SRARP: variants seen among roughly 807,000 people sequenced by gnomAD.
SRARP encodes steroid receptor-associated and regulated protein.
Under a neutral mutation model 3.6 loss-of-function variants are expected in SRARP, and 5 were observed. The observed-to-expected ratio is 1.39, with a 90% CI of 0.73 to 2.93. The LOEUF is 2.93. Ranked by LOEUF, SRARP falls within the 30% of genes most tolerant of loss-of-function variation. The pLI is 0.00. For synonymous variants in SRARP, 96 were observed against 91.6 expected (o/e 1.05, Z -0.27); for missense variants, 215 against 216.7 (o/e 0.99, Z 0.05).
At position 16,004,359 on chromosome 1, in the gene SRARP, G is replaced by A. The variant is rs370173233; in HGVS notation, c.56G>A (p.Arg19His). ...DWRANLKGTI[R>H]ETGLETSSGG... ...AGAGCCAACCTCAAAGGCACCATCC[G>A]TGAGACAGGCCTGGAGACCAGCTCC... The change falls in exon 1 of 2, where the codon CGT (arginine) becomes CAT (histidine). Residue 19 changes from arginine (R) to histidine (H), a missense_variant. Arg to His is a conservative substitution (Grantham distance 29). Transcript: ENST00000329454. 5.3e-5 allele frequency: 85 copies of A among 1,608,744 alleles called. No homozygotes were observed. The Middle Eastern group carries it at 6.6e-4, about 12-fold the overall frequency.
Position 16,006,458 on chromosome 1 carries a change from C to A in SRARP, c.*112C>A. On this transcript the variant is annotated 3_prime_UTR_variant, in exon 2 of 2. Transcript: ENST00000329454. ...TGAGCCAAGGAAACATCATTAGATC[C>A]GCTAAGGGGCATCTGAAACATCCGT... 2 of 1,190,780 alleles carry A rather than the reference C, an allele frequency of 1.7e-6. No individual in the cohort carries two copies. Among genetic ancestry groups the A allele is most frequent in the Non-Finnish European group, 2.3e-6 (2 of 863,776 alleles). The allele number at this position is 1,190,780 out of a possible 1,614,324, so 73.8% of individuals were successfully genotyped here.
chr1:16,006,075 C>A lies in SRARP; in HGVS notation c.239C>A (p.Thr80Asn). ...NRGLVTPPMK[T>N]YIVFCGENWP... ...GGGCTTGTCACCCCACCAATGAAGA[C>A]CTACATCGTGTTCTGTGGGGAAAAC... Residue 80 changes from threonine to asparagine, a missense_variant, in exon 2 of 2, where the codon ACC becomes AAC. Physicochemically the swap from Thr to Asn is moderately conservative, Grantham distance 65. Coordinates refer to ENST00000329454, the MANE Select transcript of SRARP (RefSeq NM_178840.4). The A allele has an allele frequency of 6.2e-7, 1 of 1,613,994 alleles. No homozygotes were observed. The highest frequency in any genetic ancestry group is 8.5e-7 in the Non-Finnish European group (1 of 1,179,972).
rs780382504 is a variant in SRARP, at chr1:16,006,378, T to C, written c.*32T>C. On this transcript the variant is annotated 3_prime_UTR_variant, in exon 2 of 2. Transcript: ENST00000329454. Reference sequence around the variant, plus strand: ...GGGCCGGGCTCTGATGCCCAGAGGCTGCAATTCCCAGGGCCTGGCCCTGCT... The same window carrying C: ...GGGCCGGGCTCTGATGCCCAGAGGCCGCAATTCCCAGGGCCTGGCCCTGCT... 1 of 1,535,662 alleles carries C rather than the reference T, an allele frequency of 6.5e-7. No individual in the cohort carries two copies. The highest frequency in any genetic ancestry group is 1.4e-5 in the African/African-American group (1 of 69,560).
chr1:16,005,411 G>A (rs935721506), intron 1 of SRARP, among the ~76,000 whole-genome samples: 23 of 152,302 alleles, frequency 1.5e-4, no homozygotes, highest in African/African-American at 4.1e-4. Flanking sequence ...GCACTGACAT[G>A]TTGGACTCTG....
Position 16,006,490 on chromosome 1 carries a change from G to A in SRARP, c.*144G>A. 1.1e-6 allele frequency: 1 copy of A among 908,932 alleles called. No individual in the cohort carries two copies. The highest frequency in any genetic ancestry group is 1.6e-6 in the Non-Finnish European group (1 of 613,854). The allele number at this position is 908,932 out of a possible 1,614,324, so 56.3% of individuals were successfully genotyped here. ...GGGCATCTGAAACATCCGTCGAGTG[G>A]CAGAGGCAGGATAAGTCACCTGCAC... On this transcript the variant is annotated 3_prime_UTR_variant, in exon 2 of 2. Coordinates refer to ENST00000329454, the MANE Select transcript of SRARP (RefSeq NM_178840.4).
In SRARP at chr1:16,007,679, T is replaced by G. The variant is rs931083706; in HGVS notation, c.*1333T>G. Reference sequence around the variant, plus strand: ...TTGAACTCCTGGCCTCAAGCTATCCTCCCGCTTCAGCTTCCCTAAGTGCTT... The same window carrying G: ...TTGAACTCCTGGCCTCAAGCTATCCGCCCGCTTCAGCTTCCCTAAGTGCTT... On this transcript the variant is annotated 3_prime_UTR_variant, in exon 2 of 2. Transcript: ENST00000329454. 1 of 152,220 alleles carries G rather than the reference T, an allele frequency of 6.6e-6. No individual in the cohort carries two copies. Among genetic ancestry groups the G allele is most frequent in the African/African-American group, 2.4e-5 (1 of 41,446 alleles). The allele number at this position is 152,220 out of a possible 1,614,324, so 9.4% of individuals were successfully genotyped here.
At chr1:16,005,400 G>A (rs2148834951) in intron 1 of SRARP, among the ~76,000 whole-genome samples, 1 of 152,292 alleles carries the variant, frequency 6.6e-6, no homozygotes, top group East Asian at 1.9e-4. Flanking sequence ...AAAGTTGGGA[G>A]GCACTGACAT....
rs756923089 is a variant in SRARP, at chr1:16,006,081, T to A, written c.245T>A (p.Ile82Asn). The A allele has an allele frequency of 2.5e-6, 4 of 1,613,830 alleles. No homozygotes were observed. Among genetic ancestry groups the A allele is most frequent in the Non-Finnish European group, 3.4e-6 (4 of 1,179,984 alleles). Residue 82 changes from isoleucine to asparagine, a missense_variant, in exon 2 of 2, where the codon ATC (isoleucine) becomes AAC (asparagine). Ile to Asn is a moderately radical substitution (Grantham distance 149). Coordinates refer to ENST00000329454, the MANE Select transcript of SRARP (RefSeq NM_178840.4). Reference protein sequence around the residue: ...GLVTPPMKTYIVFCGENWPHL... With the variant: ...GLVTPPMKTYNVFCGENWPHL... ...GTCACCCCACCAATGAAGACCTACATCGTGTTCTGTGGGGAAAACTGGCCC... is the reference window on the plus strand; with the variant it reads ...GTCACCCCACCAATGAAGACCTACAACGTGTTCTGTGGGGAAAACTGGCCC...
rs1258053823 is a variant in SRARP, at chr1:16,007,880, A to G, written c.*1534A>G. Reference sequence around the variant, plus strand: ...ATTTTATAGATTAGAGAGCTGAGGCACAGAGAGGTTGAAGAATGGACTCAA... The same window carrying G: ...ATTTTATAGATTAGAGAGCTGAGGCGCAGAGAGGTTGAAGAATGGACTCAA... On this transcript the variant is annotated 3_prime_UTR_variant, in exon 2 of 2. Transcript: ENST00000329454. The G allele has an allele frequency of 6.6e-6, 1 of 152,258 alleles. No homozygotes were observed. Among genetic ancestry groups the G allele is most frequent in the Non-Finnish European group, 1.5e-5 (1 of 68,048 alleles). The allele number at this position is 152,258 out of a possible 1,614,324, so 9.4% of individuals were successfully genotyped here.
In SRARP at chr1:16,005,920, T is replaced by C. The variant is rs1384576270; in HGVS notation, c.84T>C (p.Gly28=). 1 of 1,567,426 alleles carries C rather than the reference T, an allele frequency of 6.4e-7. No individual in the cohort carries two copies. Among genetic ancestry groups the C allele is most frequent in the South Asian group, 1.2e-5 (1 of 84,100 alleles). ...IRETGLETSS[G]GKLAGHQKTV... is the part of the protein sequence containing the mutation. ...TTTTGGTCTTTTCCTCTCTTCTAGG[T>C]GGGAAGCTGGCTGGCCATCAGAAGA... Residue 28 remains glycine (G), a splice_region_variant and synonymous_variant, in exon 2 of 2, where the codon GGT becomes GGC. Coordinates refer to ENST00000329454, the MANE Select transcript of SRARP (RefSeq NM_178840.4).
intron 1 of SRARP, 104 bp downstream of exon 1, chr1:16,004,489 C>A: frequency 9.8e-7 from 1 of 1,017,398 alleles, no homozygotes; most frequent in Non-Finnish European, 1.5e-6. Flanking sequence ...CCGAAGCGGG[C>A]AGATCATGAG....
At chr1:16,004,646 G>A (rs1037956835) in intron 1 of SRARP, among the ~76,000 whole-genome samples, 4 of 150,476 alleles carry the variant, frequency 2.7e-5, no homozygotes, top group East Asian at 2.0e-4. Flanking sequence ...CCCAGGAGGC[G>A]GAGGTTGCAG....
rs781099213 is a variant in SRARP, at chr1:16,004,383, C to T, written c.80C>T (p.Ser27Phe). 2 of 1,602,830 alleles carry T rather than the reference C, an allele frequency of 1.2e-6. No homozygotes were observed. Among genetic ancestry groups the T allele is most frequent in the Non-Finnish European group, 1.7e-6 (2 of 1,174,682 alleles). ...TIRETGLETS[S>F]GGKLAGHQKT... ...CGTGAGACAGGCCTGGAGACCAGCT[C>T]CGGTAAGAGGCGGCAAAGGGACCCC... The change falls in exon 1 of 2, where the codon TCC becomes TTC. Residue 27 changes from serine to phenylalanine, a missense_variant and splice_region_variant. By Grantham distance (155) the Ser-to-Phe change is radical. Coordinates refer to ENST00000329454, the MANE Select transcript of SRARP (RefSeq NM_178840.4).
chr1:16,004,424 C>G, intron 1 of SRARP, 39 bp downstream of exon 1: 1 of 1,518,032 alleles, frequency 6.6e-7, no homozygotes, highest in Non-Finnish European at 9.0e-7. Context: ...CACAGAAACA[C>G]CAGCTGGGGG....
intron 1 of SRARP, among the ~76,000 whole-genome samples, chr1:16,005,056 G>C (rs528652731): frequency 6.6e-6 from 1 of 152,346 alleles, no homozygotes; most frequent in Admixed American, 6.5e-5. Context: ...GCTGGGCTCT[G>C]AGCGGGGGGA....
At position 16,006,180 on chromosome 1, in the gene SRARP, G is replaced by A. The variant is rs781458781; in HGVS notation, c.344G>A (p.Gly115Glu). 42 of 1,613,912 alleles carry A rather than the reference G, an allele frequency of 2.6e-5. No individual in the cohort carries two copies. The highest frequency in any genetic ancestry group is 3.4e-5 in the Non-Finnish European group (40 of 1,180,020). ...QARATLPLCRGSVASASFPVS... is the reference protein window; with the variant it reads ...QARATLPLCRESVASASFPVS... ...AGGGCCACCCTGCCGCTCTGCAGAGGGTCTGTGGCCTCAGCTTCCTTCCCA... is the reference window on the plus strand; with the variant it reads ...AGGGCCACCCTGCCGCTCTGCAGAGAGTCTGTGGCCTCAGCTTCCTTCCCA... Residue 115 changes from glycine (G) to glutamate (E), a missense_variant, in exon 2 of 2, where the codon GGG becomes GAG. Coordinates refer to ENST00000329454, the MANE Select transcript of SRARP (RefSeq NM_178840.4).
chr1:16,005,407 A>C lies in SRARP; in HGVS notation c.83-512A>C, dbSNP rs544475261. On this transcript the variant is annotated intron_variant, in intron 1 of 1. Coordinates refer to ENST00000329454, the MANE Select transcript of SRARP (RefSeq NM_178840.4). ...GGAACAGCAAAGTTGGGAGGCACTG[A>C]CATGTTGGACTCTGTGTTCCTGGAA... Among the ~76,000 whole-genome samples the C allele has an allele frequency of 3.9e-5, 6 of 152,214 alleles. No homozygotes were observed. In the East Asian group the frequency reaches 1.2e-3, roughly 29 times the overall value.
chr1:16,004,583 G>A (rs974822902), intron 1 of SRARP, among the ~76,000 whole-genome samples, 198 bp downstream of exon 1: 5 of 151,976 alleles, frequency 3.3e-5, no homozygotes, highest in South Asian at 2.1e-4. Flanking sequence ...GTGTGGTGGC[G>A]GGTGCCTATA....
intron 1 of SRARP, among the ~76,000 whole-genome samples, chr1:16,004,731 A>C (rs999677700): frequency 1.3e-5 from 2 of 150,110 alleles, no homozygotes; most frequent in Non-Finnish European, 3.0e-5. Flanking sequence ...AAAAAAAAAA[A>C]AAAAAAGCAA....
Sources: allele counts gnomAD v4.1 joint callset (sites outside exome capture counted in the v4.1 genomes callset), GRCh38; gene constraint gnomAD v4.1.1; transcripts MANE v1.5; gene names NCBI Gene and HGNC (gene_info 2026-07-23, HGNC 2026-07-21).